Variants in ARHGEF4 observed in about 807,000 individuals in gnomAD.
The protein encoded by ARHGEF4 is APC-stimulated guanine nucleotide exchange factor 1.
Under a neutral mutation model 162.0 loss-of-function variants are expected in ARHGEF4, and 119 were observed. The ratio of observed to expected loss-of-function variants is 0.73; its 90% CI spans 0.63 to 0.86. The LOEUF is 0.86. Among genes scored for constraint, ARHGEF4 ranks in the 40% least tolerant of loss-of-function variants. ARHGEF4 has a pLI of 0.00. For missense variants in ARHGEF4, 2,488 were observed against 2,456.0 expected (o/e 1.01, Z -0.28); for synonymous variants, 1,014 against 979.9 (o/e 1.03, Z -0.65).
At chr2:130,923,478 G>A (rs1682020438) in intron 2 of ARHGEF4, among the ~76,000 whole-genome samples, 1 of 152,202 alleles carries the variant, frequency 6.6e-6, no homozygotes, top group Non-Finnish European at 1.5e-5. Flanking sequence ...TTACTGACCA[G>A]TCTACCAGTT....
At chr2:130,848,419 A>T in intron 1 of ARHGEF4, among the ~76,000 whole-genome samples, 1 of 152,210 alleles carries the variant, frequency 6.6e-6, no homozygotes, top group East Asian at 1.9e-4. Flanking sequence ...CAAGACATAC[A>T]TGCAGGCCCT....
rs116572151 is a variant in ARHGEF4, at chr2:131,023,131, T to G, written c.3986-4814T>G. ...AGTTCAACATTAAAACACCAATTAT[T>G]AAATAGGCAAAAGAGGGCAAGGCAT... On this transcript the variant is annotated intron_variant, in intron 4 of 13. Coordinates refer to ENST00000409359, the MANE Select transcript of ARHGEF4 (RefSeq NM_001367493.1). Among the ~76,000 whole-genome samples, 922 of 142,306 alleles carry G rather than the reference T, an allele frequency of 6.5e-3. 8 individuals are homozygous for G. The highest frequency in any genetic ancestry group is 0.022 in the African/African-American group (846 of 38,910). 93.4% of individuals were successfully genotyped at this position (142,306 alleles called of 152,430 possible).
At chr2:130,879,971 C>T (rs1679090726) in intron 1 of ARHGEF4, among the ~76,000 whole-genome samples, 1 of 152,064 alleles carries the variant, frequency 6.6e-6, no homozygotes. Flanking sequence ...TGTGTATATA[C>T]CACGTTTTCT....
At chr2:130,975,905 C>T (rs973146564) in intron 4 of ARHGEF4, among the ~76,000 whole-genome samples, 6 of 152,090 alleles carry the variant, frequency 3.9e-5, no homozygotes, top group Admixed American at 6.6e-5. Flanking sequence ...GGAGAAAGGA[C>T]GGGCGCTCAG....
chr2:130,885,705 G>T (rs184064409), intron 1 of ARHGEF4, among the ~76,000 whole-genome samples: 1 of 151,348 alleles, frequency 6.6e-6, no homozygotes, highest in East Asian at 1.9e-4. Context: ...GAGCAGCTGG[G>T]ACTACAGGCG....
chr2:130,892,450 C>T (rs13407188), intron 1 of ARHGEF4, among the ~76,000 whole-genome samples: 13,771 of 152,246 alleles, frequency 0.09, 1,173 homozygotes, highest in African/African-American at 0.22. Flanking sequence ...TAGATTGTGA[C>T]CTGCGCTTCT....
chr2:130,913,228 G>C (rs761842938), intron 1 of ARHGEF4, among the ~76,000 whole-genome samples: 2 of 152,022 alleles, frequency 1.3e-5, no homozygotes, highest in East Asian at 1.9e-4. Context: ...GGGATTGACC[G>C]GGGAGGGGCA....
At chr2:130,854,951 G>A (rs1681665722) in intron 1 of ARHGEF4, among the ~76,000 whole-genome samples, 1 of 151,818 alleles carries the variant, frequency 6.6e-6, no homozygotes, top group African/African-American at 2.4e-5. Context: ...TCGGCTCACT[G>A]CAAGTTCTGC....
intron 4 of ARHGEF4, among the ~76,000 whole-genome samples, chr2:131,007,014 C>A (rs1271045130): frequency 6.6e-6 from 1 of 152,138 alleles, no homozygotes; most frequent in Non-Finnish European, 1.5e-5. Flanking sequence ...CATCTTCCAC[C>A]AAAATACAAG....
intron 4 of ARHGEF4, among the ~76,000 whole-genome samples, chr2:131,002,686 G>C (rs1286017913): frequency 7.4e-6 from 1 of 135,334 alleles, no homozygotes; most frequent in Admixed American, 8.1e-5. Flanking sequence ...CTCCAGCCTG[G>C]GCGACAGAGC....
intron 4 of ARHGEF4, among the ~76,000 whole-genome samples, chr2:130,993,601 G>C (rs1210170083): frequency 6.6e-6 from 1 of 151,958 alleles, no homozygotes; most frequent in Non-Finnish European, 1.5e-5. Flanking sequence ...TATCTTAATA[G>C]AAGCATACAA....
intron 11 of ARHGEF4, 87 bp downstream of exon 11, chr2:131,043,670 G>C (rs1361920927): frequency 1.9e-6 from 3 of 1,591,810 alleles, no homozygotes; most frequent in Non-Finnish European, 2.6e-6. Context: ...CCAGAAGACA[G>C]GTGCCAGCCA....
rs1681414333 is a variant in ARHGEF4, at chr2:130,915,315, C to G, written c.1369C>G (p.Pro457Ala). Residue 457 changes from proline (P) to alanine (A), a missense_variant, in exon 2 of 14, where the codon CCC becomes GCC. Pro to Ala is a conservative substitution (Grantham distance 27, BLOSUM62 -1). Coordinates refer to ENST00000409359, the MANE Select transcript of ARHGEF4 (RefSeq NM_001367493.1). Reference protein sequence around the residue: ...VKLSAEEVPEPAECKSEQSPE... With the variant: ...VKLSAEEVPEAAECKSEQSPE... ...GCTCAGTGCAGAGGAAGTGCCTGAG[C>G]CCGCTGAGTGCAAGTCAGAGCAAAG... 2 of 1,550,580 alleles carry G rather than the reference C, an allele frequency of 1.3e-6. No individual in the cohort carries two copies. Among genetic ancestry groups the G allele is most frequent in the Non-Finnish European group, 1.7e-6 (2 of 1,147,042 alleles).
chr2:130,982,873 T>A (rs910161591), intron 4 of ARHGEF4, among the ~76,000 whole-genome samples: 2 of 152,186 alleles, frequency 1.3e-5, no homozygotes, highest in Non-Finnish European at 2.9e-5. Context: ...TTCTAATACA[T>A]CTTTTGGCAC....
At chr2:130,979,203 C>CTG (rs1685949088) in intron 4 of ARHGEF4, among the ~76,000 whole-genome samples, 1 of 152,334 alleles carries the variant, frequency 6.6e-6, no homozygotes, top group Non-Finnish European at 1.5e-5. Flanking sequence ...ATAACTATTA[C>CTG]TGACAACATA....
At chr2:130,970,917 C>T (rs1685318738) in intron 4 of ARHGEF4, among the ~76,000 whole-genome samples, 1 of 152,124 alleles carries the variant, frequency 6.6e-6, no homozygotes, top group African/African-American at 2.4e-5. Flanking sequence ...GTAATTTTGA[C>T]GGAATCCAAT....
intron 10 of ARHGEF4, 29 bp downstream of exon 10, chr2:131,041,973 A>C: frequency 6.2e-7 from 1 of 1,606,228 alleles, no homozygotes; most frequent in South Asian, 1.1e-5. Flanking sequence ...AGAAAATTCC[A>C]GGAGGTCTTG....
At chr2:130,872,216 CA>C (rs1278896188) in intron 1 of ARHGEF4, among the ~76,000 whole-genome samples, 4 of 152,180 alleles carry the variant, frequency 2.6e-5, no homozygotes, top group Non-Finnish European at 2.9e-5. Context: ...TGCTTGTTAT[CA>C]AAACACAGGG....
At chr2:130,855,350 A>T (rs889610243) in intron 1 of ARHGEF4, among the ~76,000 whole-genome samples, 1 of 152,162 alleles carries the variant, frequency 6.6e-6, no homozygotes, top group Non-Finnish European at 1.5e-5. Context: ...CAGGACCATG[A>T]GTGTAACTCT....
Sources: allele counts gnomAD v4.1 joint callset (sites outside exome capture counted in the v4.1 genomes callset), GRCh38; gene constraint gnomAD v4.1.1; transcripts MANE v1.5; gene names NCBI Gene and HGNC (gene_info 2026-07-23, HGNC 2026-07-21).